Variants in GLIS3 observed in about 807,000 individuals in gnomAD.
GLIS3 encodes GLIS family zinc finger 3.
A neutral mutation model predicts 78.6 loss-of-function variants in GLIS3; 53 were observed. The ratio of observed to expected loss-of-function variants is 0.67; its 90% CI spans 0.54 to 0.85. The LOEUF (loss-of-function observed/expected upper bound fraction) is 0.85. GLIS3 is among the 40% of genes least tolerant of loss of function. The probability of loss-of-function intolerance (pLI) is 0.00; values close to 1 mark genes in which losing one functional copy is unlikely to be tolerated. For missense variants in GLIS3, 1,703 were observed against 1,231.1 expected, an observed-to-expected ratio of 1.38 and a Z score of -5.74; for synonymous variants, 684 against 509.9, an observed-to-expected ratio of 1.34 and a Z score of -4.60.
At chr9:4,325,706 A>T (rs1425573132) in intron 2 of GLIS3, among the ~76,000 whole-genome samples, 1 of 152,156 alleles carries the variant, frequency 6.6e-6, no homozygotes, top group Admixed American at 6.6e-5. Flanking sequence ...TTTGAGATAA[A>T]TATGTTTGTT....
intron 5 of GLIS3, among the ~76,000 whole-genome samples, chr9:3,936,783 G>C (rs80130680): frequency 6.6e-6 from 1 of 152,074 alleles, no homozygotes; most frequent in Non-Finnish European, 1.5e-5. Flanking sequence ...TGTACACAGC[G>C]GTGACCAAGT....
the GLIS3 span, among the ~76,000 whole-genome samples, chr9:4,382,092 T>C: frequency 2.0e-5 from 3 of 152,242 alleles, no homozygotes. Flanking sequence ...TTTCCCTTTT[T>C]GCTTCTTTAG....
chr9:4,192,909 A>T (rs1818461026), intron 2 of GLIS3, among the ~76,000 whole-genome samples: 1 of 152,238 alleles, frequency 6.6e-6, no homozygotes, highest in Admixed American at 6.5e-5. Context: ...GGCCTCAAAA[A>T]GAAGTATCTC....
intron 2 of GLIS3, among the ~76,000 whole-genome samples, chr9:4,243,336 G>A (rs1359067379): frequency 1.3e-5 from 2 of 152,036 alleles, no homozygotes; most frequent in African/African-American, 4.8e-5. Flanking sequence ...ACTTTCCCTG[G>A]TAGTCAGGTG....
chr9:3,840,431 C>A (rs964091480), intron 9 of GLIS3, among the ~76,000 whole-genome samples: 1 of 152,124 alleles, frequency 6.6e-6, no homozygotes. Context: ...ACTGACTCTT[C>A]ATTTTAATAC....
At chr9:4,321,451 AAAAAAAAAAAAAT>A in intron 2 of GLIS3, among the ~76,000 whole-genome samples, 1 of 143,938 alleles carries the variant, frequency 6.9e-6, no homozygotes, top group East Asian at 2.1e-4. Context: ...AAAAAAAAAA[AAAAAAAAAAAAAT>A]CAGGTGCCTA....
At chr9:3,966,295 T>C (rs189821283) in intron 4 of GLIS3, among the ~76,000 whole-genome samples, 1 of 152,222 alleles carries the variant, frequency 6.6e-6, no homozygotes, top group Non-Finnish European at 1.5e-5. Flanking sequence ...TTATGGGACA[T>C]GACTATTGTA....
At chr9:4,460,209 A>G in the GLIS3 span, among the ~76,000 whole-genome samples, 1 of 152,180 alleles carries the variant, frequency 6.6e-6, no homozygotes, top group African/African-American at 2.4e-5. Flanking sequence ...CTTGAAATAT[A>G]AATGTGGATG....
chr9:4,403,389 G>C, the GLIS3 span, among the ~76,000 whole-genome samples: 1 of 152,150 alleles, frequency 6.6e-6, no homozygotes, highest in Non-Finnish European at 1.5e-5. Flanking sequence ...ACTGGTAATA[G>C]TAAGCACACA....
intron 4 of GLIS3, among the ~76,000 whole-genome samples, chr9:4,010,888 T>C (rs1821950055): frequency 6.6e-6 from 1 of 152,190 alleles, no homozygotes; most frequent in Non-Finnish European, 1.5e-5. Context: ...GTTAGGAAAA[T>C]GTTCCTGGGA....
rs11788600 is a variant in GLIS3, at chr9:4,211,786, G to A, written c.388+74252C>T. Among the ~76,000 whole-genome samples the A allele has an allele frequency of 7.9e-3, 1,204 of 152,296 alleles. 14 individuals carry two copies. The highest frequency in any genetic ancestry group is 0.013 in the Non-Finnish European group (910 of 68,026). ...ACAACCCAAATGTCCACCAACTGAT[G>A]AATGGAGAAGTAAAATGTAATATAC... On this transcript the variant is annotated intron_variant, in intron 2 of 10. Coordinates refer to ENST00000381971, the MANE Select transcript of GLIS3 (RefSeq NM_001042413.2).
intron 2 of GLIS3, among the ~76,000 whole-genome samples, chr9:4,316,435 G>A (rs1262306498): frequency 6.6e-6 from 1 of 152,172 alleles, no homozygotes; most frequent in Non-Finnish European, 1.5e-5. Flanking sequence ...AGTACAGCAG[G>A]TCCTTAAATA....
At chr9:3,840,765 GC>G (rs1377042806) in intron 9 of GLIS3, among the ~76,000 whole-genome samples, 1 of 152,194 alleles carries the variant, frequency 6.6e-6, no homozygotes, top group Non-Finnish European at 1.5e-5. Context: ...GTTCCAAGAA[GC>G]AAGGCCATTT....
At chr9:4,155,167 A>C in intron 2 of GLIS3, among the ~76,000 whole-genome samples, 1 of 152,338 alleles carries the variant, frequency 6.6e-6, no homozygotes, top group Middle Eastern at 3.4e-3. Context: ...AAACATACAT[A>C]ATTTTTCTAC....
chr9:4,298,540 C>T (rs1005530486), intron 1 of GLIS3: 2 of 350,462 alleles, frequency 5.7e-6, no homozygotes, highest in Non-Finnish European at 1.1e-5. Flanking sequence ...GCCGGCGGCT[C>T]ACTCACGCTT....
chr9:4,213,420 C>G (rs1420156159), intron 2 of GLIS3, among the ~76,000 whole-genome samples: 2 of 152,194 alleles, frequency 1.3e-5, no homozygotes, highest in Admixed American at 6.5e-5. Flanking sequence ...TTGATTTTCT[C>G]TGTCTTGTCA....
At chr9:4,277,817 G>A (rs535584068) in intron 2 of GLIS3, among the ~76,000 whole-genome samples, 23 of 152,154 alleles carry the variant, frequency 1.5e-4, no homozygotes, top group African/African-American at 5.1e-4. Flanking sequence ...TTTCCCAGAC[G>A]CTGTGAAAAA....
intron 9 of GLIS3, among the ~76,000 whole-genome samples, chr9:3,843,664 T>C (rs1355580368): frequency 6.6e-6 from 1 of 152,204 alleles, no homozygotes; most frequent in African/African-American, 2.4e-5. Context: ...ATAAAACATA[T>C]ATTGATATAT....
At position 4,049,691 on chromosome 9, in the gene GLIS3, C is replaced by A. The variant is rs183533492; in HGVS notation, c.1710+68077G>T. The stretch of plus-strand genomic sequence containing the variant: ...CAGAATGGGAGAACATTTTTGCAAT[C>A]TACCCATCTGACAAAGGACTAATAT... On this transcript the variant is annotated intron_variant, in intron 4 of 10. Coordinates refer to ENST00000381971, the MANE Select transcript of GLIS3 (RefSeq NM_001042413.2). Among the ~76,000 whole-genome samples, 450 of 152,238 alleles carry A rather than the reference C, an allele frequency of 3.0e-3. 5 individuals carry two copies. The highest frequency in any genetic ancestry group is 0.01 in the African/African-American group (435 of 41,542).
Sources: gnomAD v4.1 joint callset for allele counts (sites outside exome capture counted in the v4.1 genomes callset) on GRCh38, gnomAD v4.1.1 for gene constraint, MANE v1.5 for transcripts, NCBI Gene and HGNC (gene_info 2026-07-23, HGNC 2026-07-21) for gene names.